WDR41: variants seen among roughly 807,000 people sequenced by gnomAD.
WDR41 encodes WD repeat-containing protein 41.
A neutral mutation model predicts 69.3 loss-of-function variants in WDR41; 63 were observed. The observed-to-expected ratio is 0.91, with a 90% CI of 0.74 to 1.12. WDR41 has a LOEUF of 1.12. Ranked by LOEUF, WDR41 falls within the 50% of genes most tolerant of loss-of-function variation. WDR41 has a pLI of 0.00. For synonymous variants in WDR41, 185 were observed against 192.1 expected (o/e 0.96, Z 0.31); for missense variants, 543 against 534.5 (o/e 1.02, Z -0.16).
At chr5:77,588,838 T>G (rs1253276192) in intron 1 of WDR41, among the ~76,000 whole-genome samples, 1 of 152,240 alleles carries the variant, frequency 6.6e-6, no homozygotes, top group Admixed American at 6.5e-5. Flanking sequence ...AACAATAAGC[T>G]CATCGCTAAC....
At chr5:77,558,886 AT>A (rs35646593) in intron 1 of WDR41, among the ~76,000 whole-genome samples, 114,570 of 150,056 alleles carry the variant, frequency 0.76, 43,427 homozygotes, top group South Asian at 0.85. Flanking sequence ...TTGAAAAAAT[AT>A]TTTTTTTCTG....
At chr5:77,439,818 A>C (rs1246595643) in intron 9 of WDR41, among the ~76,000 whole-genome samples, 1 of 152,250 alleles carries the variant, frequency 6.6e-6, no homozygotes, top group Non-Finnish European at 1.5e-5. Flanking sequence ...TTTTCACAAA[A>C]GTGAGAAAAA....
Position 77,518,958 on chromosome 5 carries a change from C to T in WDR41, c.43-29386G>A, listed in dbSNP as rs12656786. 6.6e-3 allele frequency among the ~76,000 whole-genome samples: 1,004 copies of T among 152,114 alleles called. 9 individuals carry two copies. Among genetic ancestry groups the T allele is most frequent in the East Asian group, 0.047 (246 of 5,184 alleles). On this transcript the variant is annotated intron_variant, in intron 1 of 5. Coordinates refer to the WDR41 transcript ENST00000509971. ...ATTTTCTAAGACTCAGTTTCTCTAA[C>T]GTTCAAAGCAAGAACACTACATTTA...
At chr5:77,561,003 G>A (rs1031573566) in intron 1 of WDR41, among the ~76,000 whole-genome samples, 19 of 152,086 alleles carry the variant, frequency 1.2e-4, no homozygotes, top group Non-Finnish European at 2.6e-4. Context: ...TTTCTGAAAT[G>A]GCATATTCTT....
chr5:77,543,850 G>T (rs1561219794), intron 1 of WDR41, among the ~76,000 whole-genome samples: 1 of 152,102 alleles, frequency 6.6e-6, no homozygotes, highest in South Asian at 2.1e-4. Flanking sequence ...TAGCCACATT[G>T]TCATCAGATT....
At chr5:77,546,985 T>C (rs534944146) in intron 1 of WDR41, among the ~76,000 whole-genome samples, 4 of 152,166 alleles carry the variant, frequency 2.6e-5, no homozygotes, top group African/African-American at 9.7e-5. Context: ...AGTCAATATA[T>C]GTGATACATC....
Position 77,514,886 on chromosome 5 carries a change from T to C in WDR41, c.43-25314A>G, listed in dbSNP as rs181946719. ...GTAAAGATACAGTATGAAAGATTTT[T>C]AAAAGGGTCTACTTGTATAGAGCAC... On this transcript the variant is annotated intron_variant, in intron 1 of 5. Transcript: ENST00000509971. Among the ~76,000 whole-genome samples the C allele has an allele frequency of 1.8e-3, 278 of 152,302 alleles. 2 individuals are homozygous for C. Among genetic ancestry groups the C allele is most frequent in the African/African-American group, 6.4e-3 (266 of 41,574 alleles).
chr5:77,604,820 C>T (rs1424622683), intron 1 of WDR41, among the ~76,000 whole-genome samples: 1 of 151,970 alleles, frequency 6.6e-6, no homozygotes, highest in East Asian at 1.9e-4. Flanking sequence ...AATGAGAAAG[C>T]TCTTTATGTA....
chr5:77,537,517 T>G (rs1480593988), intron 1 of WDR41, among the ~76,000 whole-genome samples: 2 of 152,212 alleles, frequency 1.3e-5, no homozygotes, highest in African/African-American at 4.8e-5. Flanking sequence ...TTTGACGGAC[T>G]CTGGGCTGTT....
chr5:77,558,107 A>C (rs10055636), intron 1 of WDR41, among the ~76,000 whole-genome samples: 22,690 of 148,578 alleles, frequency 0.15, 2,213 homozygotes, highest in South Asian at 0.25. Flanking sequence ...AAAAAAAAAA[A>C]AAAAAAAAAC....
At chr5:77,509,181 T>A (rs6898601) in intron 1 of WDR41, among the ~76,000 whole-genome samples, 1 of 152,098 alleles carries the variant, frequency 6.6e-6, no homozygotes, top group Non-Finnish European at 1.5e-5. Flanking sequence ...AAATATTAGT[T>A]TAATTTTATT....
intron 1 of WDR41, among the ~76,000 whole-genome samples, chr5:77,542,101 C>A (rs990331258): frequency 7.9e-5 from 12 of 152,066 alleles, no homozygotes; most frequent in Non-Finnish European, 1.8e-4. Context: ...TAAAAAGGAA[C>A]AAAATCATGT....
At chr5:77,589,536 A>C (rs754266024) in intron 1 of WDR41, among the ~76,000 whole-genome samples, 2 of 152,226 alleles carry the variant, frequency 1.3e-5, no homozygotes, top group Non-Finnish European at 1.5e-5. Flanking sequence ...CCATTTATTT[A>C]TGTCTTTCTC....
At chr5:77,433,311 TATAGGGACCCCG>T in intron 12 of WDR41, 24 bp from the exon 13 acceptor site, 3 of 1,603,486 alleles carry the variant, frequency 1.9e-6, no homozygotes, top group Non-Finnish European at 2.6e-6. Context: ...TAAAACTGAT[TATAGGGACCCCG>T]AAAAGCAGAG....
chr5:77,594,791 C>A (rs1449426614), intron 1 of WDR41, among the ~76,000 whole-genome samples: 1 of 152,168 alleles, frequency 6.6e-6, no homozygotes, highest in South Asian at 2.1e-4. Flanking sequence ...ATGCAGCCTG[C>A]ATTATGCGGA....
At chr5:77,494,697 G>T (rs930095490), upstream of WDR41, among the ~76,000 whole-genome samples, 12 of 152,094 alleles carry the variant, frequency 7.9e-5, no homozygotes, top group African/African-American at 2.9e-4. Flanking sequence ...GAAAGATATA[G>T]TTCTACAACA....
intron 1 of WDR41, among the ~76,000 whole-genome samples, chr5:77,504,969 C>G (rs1271587573): frequency 6.6e-6 from 1 of 152,150 alleles, no homozygotes; most frequent in Non-Finnish European, 1.5e-5. Flanking sequence ...CAGCACAAGA[C>G]AAGGATGTTC....
At chr5:77,531,068 G>A (rs188750013) in intron 1 of WDR41, among the ~76,000 whole-genome samples, 77 of 151,750 alleles carry the variant, frequency 5.1e-4, no homozygotes, top group Admixed American at 1.0e-3. Flanking sequence ...GAAAAAACAG[G>A]GGTAAATCTT....
chr5:77,536,340 A>G (rs184578353), intron 1 of WDR41, among the ~76,000 whole-genome samples: 67 of 152,232 alleles, frequency 4.4e-4, no homozygotes, highest in African/African-American at 1.5e-3. Flanking sequence ...TTAGAGTGCA[A>G]TAAAAGAGAT....
Sources: gnomAD v4.1 joint callset for allele counts (sites outside exome capture counted in the v4.1 genomes callset) on GRCh38, gnomAD v4.1.1 for gene constraint, MANE v1.5 for transcripts, NCBI Gene and HGNC (gene_info 2026-07-23, HGNC 2026-07-21) for gene names.